ATG5: variants seen among roughly 807,000 people sequenced by gnomAD.
ATG5 encodes the protein autophagy protein 5.
Under a neutral mutation model 36.5 loss-of-function variants are expected in ATG5, and 14 were observed. The observed-to-expected ratio is 0.38, with a 90% confidence interval of 0.25 to 0.60. The LOEUF (loss-of-function observed/expected upper bound fraction) is 0.60, where lower values mean the gene tolerates loss of function less well. Among genes scored for constraint, ATG5 ranks in the 20% least tolerant of loss-of-function variants. The pLI, the probability that ATG5 is intolerant of heterozygous loss-of-function variation, is 0.60. For synonymous variants in ATG5, 95 were observed against 101.5 expected, an observed-to-expected ratio of 0.94 and a Z score of 0.38; for missense variants, 195 against 326.7, an observed-to-expected ratio of 0.60 and a Z score of 3.11.
rs148202365 is a variant in ATG5, at chr6:106,241,219, G to A, written c.573+6931C>T. Among the ~76,000 whole-genome samples, 203 of 152,252 alleles carry A rather than the reference G, an allele frequency of 1.3e-3. 1 individual carries two copies. The highest frequency in any genetic ancestry group is 4.8e-3 in the African/African-American group (200 of 41,554). Reference sequence around the variant, plus strand: ...ATACCCAAACCCAATTCAAAAATGGGCAAAGGACTTGAATAGACATTTCTT... The same window carrying A: ...ATACCCAAACCCAATTCAAAAATGGACAAAGGACTTGAATAGACATTTCTT... On this transcript the variant is annotated intron_variant, in intron 6 of 7. Coordinates refer to ENST00000369076, the MANE Select transcript of ATG5 (RefSeq NM_004849.4).
intron 4 of ATG5, among the ~76,000 whole-genome samples, chr6:106,281,646 A>G (rs964011603): frequency 2.0e-5 from 3 of 152,238 alleles, no homozygotes; most frequent in Admixed American, 1.3e-4. Flanking sequence ...ACATTAATAC[A>G]CAAGTCTTTT....
At chr6:106,218,590 T>C (rs1391697395) in intron 6 of ATG5, among the ~76,000 whole-genome samples, 1 of 152,134 alleles carries the variant, frequency 6.6e-6, no homozygotes, top group Admixed American at 6.6e-5. Flanking sequence ...AAAATCAGAG[T>C]TCAAGTTACA....
chr6:106,265,760 G>A (rs1396384938), intron 5 of ATG5, among the ~76,000 whole-genome samples: 3 of 152,184 alleles, frequency 2.0e-5, no homozygotes, highest in East Asian at 1.9e-4. Flanking sequence ...GGTAAATAAC[G>A]AAATTAAGGC....
At chr6:106,220,002 A>G (rs112279096) in intron 6 of ATG5, among the ~76,000 whole-genome samples, 7 of 152,202 alleles carry the variant, frequency 4.6e-5, no homozygotes, top group African/African-American at 1.7e-4. Flanking sequence ...ACCAATATTG[A>G]CCCTCCTTTA....
At chr6:106,249,903 T>C (rs1043449067) in intron 5 of ATG5, among the ~76,000 whole-genome samples, 1 of 152,258 alleles carries the variant, frequency 6.6e-6, no homozygotes, top group African/African-American at 2.4e-5. Flanking sequence ...TTGTGCATCT[T>C]TGCAGAAATG....
At chr6:106,202,280 T>C (rs960735681) in intron 6 of ATG5, 191 bp from the exon 7 acceptor site, 7 of 472,196 alleles carry the variant, frequency 1.5e-5, no homozygotes, top group Non-Finnish European at 2.3e-5. Context: ...AATCTAATTC[T>C]GAGGAAACAG....
In ATG5 at chr6:106,293,072, CAAG is replaced by C. The variant is rs1562260038; in HGVS notation, c.268_270del (p.Leu90del). On this transcript the variant is annotated inframe_deletion, in exon 4 of 8. Coordinates refer to ENST00000369076, the MANE Select transcript of ATG5 (RefSeq NM_004849.4). ...TTCCAAGGAAGAGCTGAACTTGATG[CAAG>C]AAGATCAAATAGCAAACCAATTGGA... 1.9e-6 allele frequency: 3 copies of C among 1,613,272 alleles called. No individual in the cohort carries two copies. The highest frequency in any genetic ancestry group is 2.5e-6 in the Non-Finnish European group (3 of 1,179,596).
chr6:106,316,263 CA>C lies in ATG5; in HGVS notation c.-56del. 1 of 1,368,358 alleles carries C rather than the reference CA, an allele frequency of 7.3e-7. No homozygotes were observed. Among genetic ancestry groups the C allele is most frequent in the Non-Finnish European group, 1.0e-6 (1 of 971,698 alleles). 84.8% of individuals were successfully genotyped at this position (1,368,358 alleles called of 1,614,324 possible). A position where few individuals can be genotyped will look rare whatever the true frequency, so the allele number is the denominator to read the frequency against. On this transcript the variant is annotated splice_region_variant and 5_prime_UTR_variant, in exon 2 of 8. Transcript: ENST00000369076. Reference sequence around the variant, plus strand: ...GCTAAATTCTTATTTCAACCAAAGCCAAACTGAAAATAAAATGAAGAGCATT... The same window carrying C: ...GCTAAATTCTTATTTCAACCAAAGCCAACTGAAAATAAAATGAAGAGCATT...
chr6:106,274,291 A>C (rs10484577), intron 5 of ATG5, among the ~76,000 whole-genome samples: 23,194 of 152,180 alleles, frequency 0.15, 2,108 homozygotes, highest in Non-Finnish European at 0.2. Context: ...GTGGCCATTA[A>C]CTTTATTTCA....
intron 6 of ATG5, among the ~76,000 whole-genome samples, chr6:106,211,979 G>A (rs1004149260): frequency 2.0e-5 from 3 of 152,246 alleles, no homozygotes; most frequent in Non-Finnish European, 1.5e-5. Flanking sequence ...GGTTGCTTAA[G>A]TGTATCACAG....
chr6:106,238,066 T>C (rs1777965278), intron 6 of ATG5, among the ~76,000 whole-genome samples: 1 of 152,226 alleles, frequency 6.6e-6, no homozygotes. Context: ...CTTATAACTG[T>C]TATATTTACT....
chr6:106,247,447 T>C (rs73775399), intron 6 of ATG5, among the ~76,000 whole-genome samples: 3,746 of 152,328 alleles, frequency 0.025, 65 homozygotes, highest in African/African-American at 0.049. Context: ...TTGCCTACTT[T>C]GTGGTACAAC....
intron 7 of ATG5, among the ~76,000 whole-genome samples, chr6:106,187,499 A>C (rs1397140866): frequency 6.6e-6 from 1 of 152,108 alleles, no homozygotes; most frequent in Non-Finnish European, 1.5e-5. Context: ...TCTAATGAAA[A>C]AGAAAAAAAA....
At chr6:106,200,070 C>T (rs1472455175) in intron 7 of ATG5, among the ~76,000 whole-genome samples, 2 of 152,092 alleles carry the variant, frequency 1.3e-5, no homozygotes, top group Admixed American at 1.3e-4. Context: ...TCCTAATGAA[C>T]CTCTGTTCAT....
chr6:106,297,679 TTATTC>T lies in ATG5; in HGVS notation c.237-4578_237-4574del, dbSNP rs751347095. ...AATAAAGTTGTTATACACTATTCCT[TTATTC>T]TAAATTCTCTAAATTATTTGCAAAA... On this transcript the variant is annotated intron_variant, in intron 3 of 7. Transcript: ENST00000369076. 9.2e-4 allele frequency among the ~76,000 whole-genome samples: 139 copies of T among 151,358 alleles called. 1 individual carries two copies. The East Asian group carries it at 0.026, about 28-fold the overall frequency.
chr6:106,276,373 A>G (rs1013130328), intron 5 of ATG5, among the ~76,000 whole-genome samples: 5 of 151,324 alleles, frequency 3.3e-5, no homozygotes, highest in African/African-American at 4.9e-5. Flanking sequence ...CTGAGGCAGG[A>G]GAATGGCGTG....
At chr6:106,288,654 T>C (rs1210529745) in intron 4 of ATG5, among the ~76,000 whole-genome samples, 1 of 152,200 alleles carries the variant, frequency 6.6e-6, no homozygotes, top group African/African-American at 2.4e-5. Flanking sequence ...AACAATATCA[T>C]AGCATTACCT....
intron 7 of ATG5, among the ~76,000 whole-genome samples, chr6:106,198,421 C>T (rs1253344953): frequency 6.6e-6 from 1 of 151,948 alleles, no homozygotes; most frequent in Admixed American, 6.6e-5. Context: ...GAACACAATC[C>T]ATTAAAAAAA....
chr6:106,190,881 T>C (rs1775943365), intron 7 of ATG5, among the ~76,000 whole-genome samples: 1 of 152,180 alleles, frequency 6.6e-6, no homozygotes, highest in Admixed American at 6.5e-5. Flanking sequence ...CAATGACTGT[T>C]ATCAATATAC....
Sources: allele counts gnomAD v4.1 joint callset (sites outside exome capture counted in the v4.1 genomes callset), GRCh38; gene constraint gnomAD v4.1.1; transcripts MANE v1.5; gene names NCBI Gene and HGNC (gene_info 2026-07-23, HGNC 2026-07-21).